Variants in RNF220 observed in about 807,000 individuals in gnomAD.
RNF220 encodes E3 ubiquitin-protein ligase RNF220.
In RNF220, 7 loss-of-function variants were observed where a neutral mutation model predicts 67.1. The ratio of observed to expected loss-of-function variants is 0.10; its 90% CI spans 0.06 to 0.20. RNF220 has a LOEUF of 0.20. Among genes scored for constraint, RNF220 ranks in the 10% least tolerant of loss-of-function variants. The probability of loss-of-function intolerance (pLI) is 1.00; values close to 1 mark genes in which losing one functional copy is unlikely to be tolerated. For synonymous variants in RNF220, 270 were observed against 283.2 expected (o/e 0.95, Z 0.47); for missense variants, 565 against 740.3 (o/e 0.76, Z 2.75).
At chr1:44,458,258 T>TAA (rs547877766) in intron 2 of RNF220, among the ~76,000 whole-genome samples, 2 of 145,888 alleles carry the variant, frequency 1.4e-5, no homozygotes, top group Non-Finnish European at 3.0e-5. Context: ...CACTGTCTCT[T>TAA]AAAAAAAAAA....
Position 44,432,839 on chromosome 1 carries a change from G to C in RNF220, c.625+20117G>C, listed in dbSNP as rs572608442. On this transcript the variant is annotated intron_variant, in intron 2 of 14. Transcript: ENST00000361799. ...AGAAATATTTTGTTGGTATAAGTTT[G>C]AAAAAAATGCTGTGGTTACTCTTGA... is the stretch of plus-strand genomic sequence containing the variant. Among the ~76,000 whole-genome samples the C allele has an allele frequency of 2.0e-5, 3 of 149,408 alleles. No individual in the cohort carries two copies. In the South Asian group the frequency reaches 6.4e-4, roughly 32 times the overall value.
At chr1:44,507,865 G>C (rs1658579162) in intron 2 of RNF220, among the ~76,000 whole-genome samples, 1 of 150,938 alleles carries the variant, frequency 6.6e-6, no homozygotes, top group Admixed American at 6.6e-5. Context: ...GTGTGGAGGT[G>C]CCCCCCCCTC....
rs533230669 is a variant in RNF220, at chr1:44,600,971, A to G, written c.626-13194A>G. Among the ~76,000 whole-genome samples the G allele has an allele frequency of 2.0e-5, 3 of 152,348 alleles. No individual in the cohort carries two copies. In the South Asian group the frequency reaches 6.2e-4, roughly 32 times the overall value. On this transcript the variant is annotated intron_variant, in intron 2 of 14. Coordinates refer to ENST00000361799, the MANE Select transcript of RNF220 (RefSeq NM_018150.4). The surrounding 1 kb of genome is among the most constrained non-coding windows in gnomAD (Gnocchi z 4.0). The stretch of plus-strand genomic sequence containing the variant: ...TCTGAACAAGGCAAATATCTATATT[A>G]CAGGCTCCCACAGCACTGTTGACCT...
chr1:44,490,398 G>A (rs1196101242), intron 2 of RNF220, among the ~76,000 whole-genome samples: 2 of 151,730 alleles, frequency 1.3e-5, no homozygotes, highest in South Asian at 2.1e-4. Context: ...TGAACCCAGA[G>A]GTTCACTGCA....
intron 2 of RNF220, among the ~76,000 whole-genome samples, chr1:44,437,131 T>A (rs1651058251): frequency 6.6e-6 from 1 of 152,214 alleles, no homozygotes; most frequent in Non-Finnish European, 1.5e-5. Flanking sequence ...ACTACTGCCT[T>A]ATGGCAAATG....
chr1:44,443,394 C>T (rs189613515), intron 2 of RNF220, among the ~76,000 whole-genome samples: 62 of 152,340 alleles, frequency 4.1e-4, no homozygotes, highest in Non-Finnish European at 4.4e-5. Flanking sequence ...TCATACTCTC[C>T]TGCTGTCTTA....
chr1:44,475,893 T>C (rs1655258789), intron 2 of RNF220, among the ~76,000 whole-genome samples: 2 of 150,626 alleles, frequency 1.3e-5, no homozygotes, highest in Admixed American at 1.3e-4. Context: ...ACACCTGTAG[T>C]CCCAGCTACT....
At chr1:44,445,911 T>G (rs1355470990) in intron 2 of RNF220, among the ~76,000 whole-genome samples, 2 of 152,244 alleles carry the variant, frequency 1.3e-5, no homozygotes, top group African/African-American at 4.8e-5. Context: ...TAGCACAGTG[T>G]CTGGCACAGA....
intron 2 of RNF220, among the ~76,000 whole-genome samples, chr1:44,497,350 C>CAG (rs943502524): frequency 6.6e-6 from 1 of 151,518 alleles, no homozygotes; most frequent in African/African-American, 2.4e-5. Context: ...CACACACACA[C>CAG]ACACACACAC....
In RNF220 at chr1:44,472,831, G is replaced by A. The variant is rs1023682111; in HGVS notation, c.625+60109G>A. Among the ~76,000 whole-genome samples the A allele has an allele frequency of 2.0e-5, 3 of 152,234 alleles. No homozygotes were observed. In the East Asian group the frequency reaches 5.8e-4, roughly 29 times the overall value. ...ATGTCAACCAAAGTTAAGGAATGCA[G>A]TGAGCTGGGCCAGCAGGGTGACGGG... is the stretch of plus-strand genomic sequence containing the variant. On this transcript the variant is annotated intron_variant, in intron 2 of 14. Transcript: ENST00000361799.
In RNF220 at chr1:44,417,607, A is replaced by ATTTTCT. The variant is rs1648687972; in HGVS notation, c.625+4885_625+4886insTTTTCT. On this transcript the variant is annotated intron_variant, in intron 2 of 14. Transcript: ENST00000361799. This position sits in a 1 kb window ranked among gnomAD's most constrained non-coding sequence, Gnocchi z 4.0. The stretch of plus-strand genomic sequence containing the variant: ...CCTAATCACCATGGTGAGAAAACGG[A>ATTTTCT]CACCGCAGCCGTCCTCCCTCCTCGC... Among the ~76,000 whole-genome samples the ATTTTCT allele has an allele frequency of 1.3e-5, 2 of 152,130 alleles. No individual in the cohort carries two copies. The highest frequency in any genetic ancestry group is 2.9e-5 in the Non-Finnish European group (2 of 68,004).
chr1:44,530,936 C>T (rs1387345064), intron 2 of RNF220, among the ~76,000 whole-genome samples: 1 of 152,108 alleles, frequency 6.6e-6, no homozygotes, highest in African/African-American at 2.4e-5. Context: ...GCACTCCAGC[C>T]TGGGTGACAG....
chr1:44,548,098 C>T (rs1305350084), intron 2 of RNF220, among the ~76,000 whole-genome samples: 1 of 152,210 alleles, frequency 6.6e-6, no homozygotes, highest in East Asian at 1.9e-4. Flanking sequence ...CTTGGCCTCA[C>T]ATCCCCCATG....
chr1:44,540,147 G>C, intron 2 of RNF220, among the ~76,000 whole-genome samples: 1 of 152,176 alleles, frequency 6.6e-6, no homozygotes, highest in East Asian at 1.9e-4. Flanking sequence ...CAAAGTCTAT[G>C]CCTGATGGTC....
At chr1:44,436,748 T>G (rs1651013551) in intron 2 of RNF220, among the ~76,000 whole-genome samples, 1 of 152,178 alleles carries the variant, frequency 6.6e-6, no homozygotes, top group South Asian at 2.1e-4. Flanking sequence ...TCCTGAGGAT[T>G]AGATTCTCCT....
intron 2 of RNF220, among the ~76,000 whole-genome samples, chr1:44,601,254 G>A (rs575790975): frequency 2.6e-5 from 4 of 152,306 alleles, no homozygotes; most frequent in East Asian, 1.9e-4. Context: ...CTCAGGTTGC[G>A]ATGAGTTAAG....
intron 2 of RNF220, among the ~76,000 whole-genome samples, chr1:44,562,600 G>A (rs1470478677): frequency 1.3e-5 from 2 of 152,200 alleles, no homozygotes; most frequent in African/African-American, 4.8e-5. Context: ...TTCAGTGTCT[G>A]CCTCAGCCTG....
chr1:44,632,574 T>G (rs1573129082), intron 6 of RNF220, 189 bp downstream of exon 6: 2 of 639,944 alleles, frequency 3.1e-6, no homozygotes, highest in Non-Finnish European at 5.5e-6. Flanking sequence ...CTAATGGAGG[T>G]ATGGCGCCCA....
intron 2 of RNF220, among the ~76,000 whole-genome samples, chr1:44,501,122 C>T (rs1657822133): frequency 1.5e-5 from 2 of 137,480 alleles, no homozygotes; most frequent in Non-Finnish European, 3.0e-5. Context: ...TCCACCAGCC[C>T]GAGTGACACA....
Sources: gnomAD v4.1 joint callset for allele counts (sites outside exome capture counted in the v4.1 genomes callset) on GRCh38, gnomAD v4.1.1 for gene constraint, Gnocchi (gnomAD v3.1) non-coding constraint, MANE v1.5 for transcripts, NCBI Gene and HGNC (gene_info 2026-07-23, HGNC 2026-07-21) for gene names.